ACTR3C: variants seen among roughly 807,000 people sequenced by gnomAD.
ACTR3C encodes the protein actin-related protein 3C.
ACTR3C carries 18 observed loss-of-function variants against 26.3 expected under a neutral mutation model. That is an observed-to-expected ratio of 0.68 (90% CI 0.47 to 1.01). The LOEUF is 1.01. Among genes scored for constraint, ACTR3C ranks in the 50% least tolerant of loss-of-function variants. The pLI, the probability that ACTR3C is intolerant of heterozygous loss-of-function variation, is 0.00. For synonymous variants in ACTR3C, 55 were observed against 94.5 expected (o/e 0.58, Z 2.42); for missense variants, 184 against 250.7 (o/e 0.73, Z 1.80).
In ACTR3C at chr7:150,274,718, A is replaced by T. The variant is rs2530938; in HGVS notation, c.564+10035T>A. On this transcript the variant is annotated intron_variant, in intron 6 of 7. Coordinates refer to ENST00000683684, the MANE Select transcript of ACTR3C (RefSeq NM_001164458.2). The surrounding 1 kb of genome is among the most constrained non-coding windows in gnomAD (Gnocchi z 4.1). ...GCTCAGCCCACGTGGAGACCCACGC[A>T]GCTTGGCCCTGACGCCTATACTCTT... 6.6e-6 allele frequency among the ~76,000 whole-genome samples: 1 copy of T among 152,228 alleles called. No individual in the cohort carries two copies.
At chr7:149,899,965 C>CA in the ACTR3C span, among the ~76,000 whole-genome samples, 91,833 of 136,794 alleles carry the variant, frequency 0.67, 32,552 homozygotes, top group South Asian at 0.88. Context: ...ACACACACAC[C>CA]AAAAAAAAAG....
the ACTR3C span, among the ~76,000 whole-genome samples, chr7:150,191,856 T>G: frequency 1.3e-5 from 2 of 152,268 alleles, no homozygotes; most frequent in Non-Finnish European, 2.9e-5. Flanking sequence ...ATGTTAGCTG[T>G]AACTTGTTTA....
chr7:150,114,355 T>C, the ACTR3C span, among the ~76,000 whole-genome samples: 2 of 152,160 alleles, frequency 1.3e-5, no homozygotes, highest in African/African-American at 4.8e-5. Flanking sequence ...GGGCATTTTT[T>C]CCAGATCTGT....
At chr7:150,294,802 C>A (rs1836596393) in intron 2 of ACTR3C, among the ~76,000 whole-genome samples, 1 of 151,502 alleles carries the variant, frequency 6.6e-6, no homozygotes, top group Non-Finnish European at 1.5e-5. Context: ...CAAAAAATAT[C>A]ACACCAAGAA....
chr7:149,914,228 T>C, the ACTR3C span, among the ~76,000 whole-genome samples: 1 of 151,726 alleles, frequency 6.6e-6, no homozygotes. Flanking sequence ...TAAAACACTG[T>C]GTGTTTAGGT....
At chr7:149,899,662 A>G in the ACTR3C span, among the ~76,000 whole-genome samples, 6 of 151,098 alleles carry the variant, frequency 4.0e-5, no homozygotes, top group Non-Finnish European at 7.4e-5. Flanking sequence ...GAAAAGATTT[A>G]GCATTTGTGG....
At chr7:149,992,570 A>C in the ACTR3C span, among the ~76,000 whole-genome samples, 1 of 152,200 alleles carries the variant, frequency 6.6e-6, no homozygotes, top group Non-Finnish European at 1.5e-5. Context: ...TGCATTTCCA[A>C]GTGATTATCC....
At chr7:150,135,487 A>C in the ACTR3C span, among the ~76,000 whole-genome samples, 1 of 152,234 alleles carries the variant, frequency 6.6e-6, no homozygotes, top group South Asian at 2.1e-4. Flanking sequence ...CCAAACATTC[A>C]AATAGCAGAT....
the ACTR3C span, among the ~76,000 whole-genome samples, chr7:149,985,947 C>G: frequency 6.6e-6 from 1 of 152,100 alleles, no homozygotes; most frequent in Non-Finnish European, 1.5e-5. Context: ...TCCTAACTAT[C>G]CTTTATCCTA....
chr7:150,293,053 T>C (rs1306938687), intron 3 of ACTR3C, among the ~76,000 whole-genome samples: 335 of 151,088 alleles, frequency 2.2e-3, no homozygotes, highest in African/African-American at 7.6e-3. Context: ...ACATTCTGAC[T>C]GTAAAAATAT....
At chr7:150,108,988 G>A in the ACTR3C span, among the ~76,000 whole-genome samples, 65 of 151,522 alleles carry the variant, frequency 4.3e-4, no homozygotes, top group African/African-American at 1.5e-3. Flanking sequence ...TCTAATGGAC[G>A]GTGAATTACT....
chr7:150,039,780 G>T, the ACTR3C span, among the ~76,000 whole-genome samples: 1 of 136,548 alleles, frequency 7.3e-6, no homozygotes. Flanking sequence ...CAGAGCCAGG[G>T]GGGGAAGAGG....
chr7:150,144,803 T>C, the ACTR3C span, among the ~76,000 whole-genome samples: 1 of 152,146 alleles, frequency 6.6e-6, no homozygotes, highest in Non-Finnish European at 1.5e-5. This position sits in a 1 kb window ranked among gnomAD's most constrained non-coding sequence, Gnocchi z 4.6. Flanking sequence ...ATCCCAGCAC[T>C]GTGGGAGGCC....
the ACTR3C span, among the ~76,000 whole-genome samples, chr7:150,000,094 GT>G: frequency 4.0e-5 from 6 of 150,608 alleles, no homozygotes; most frequent in African/African-American, 1.5e-4. Flanking sequence ...ATAAGATTTG[GT>G]CTCTATATGT....
the ACTR3C span, among the ~76,000 whole-genome samples, chr7:150,041,194 G>C: frequency 6.7e-6 from 1 of 150,358 alleles, no homozygotes; most frequent in Non-Finnish European, 1.5e-5. Flanking sequence ...CATTTCAAAA[G>C]TTCCGGGTCC....
chr7:149,883,734 G>A, the ACTR3C span, among the ~76,000 whole-genome samples: 1 of 152,204 alleles, frequency 6.6e-6, no homozygotes, highest in Non-Finnish European at 1.5e-5. Context: ...TCTCCAGACA[G>A]TACCACAGCC....
At chr7:150,107,654 G>T in the ACTR3C span, among the ~76,000 whole-genome samples, 2 of 151,880 alleles carry the variant, frequency 1.3e-5, no homozygotes, top group Non-Finnish European at 2.9e-5. Flanking sequence ...GGATGCATGT[G>T]TGTGAATAAT....
At chr7:150,215,990 T>C in the ACTR3C span, among the ~76,000 whole-genome samples, 137 of 151,840 alleles carry the variant, frequency 9.0e-4, no homozygotes, top group Non-Finnish European at 1.7e-3. Flanking sequence ...AATCCCCAAA[T>C]ATGGTGAAAG....
chr7:150,266,574 T>G (rs2530952), intron 6 of ACTR3C, among the ~76,000 whole-genome samples: 3 of 152,174 alleles, frequency 2.0e-5, no homozygotes, highest in East Asian at 3.8e-4. Flanking sequence ...GAAAAAAGTT[T>G]ATAAATGGGG....
Sources: allele counts gnomAD v4.1 joint callset (sites outside exome capture counted in the v4.1 genomes callset), GRCh38; gene constraint gnomAD v4.1.1; non-coding constraint Gnocchi (gnomAD v3.1); transcripts MANE v1.5; gene names NCBI Gene and HGNC (gene_info 2026-07-23, HGNC 2026-07-21).